Variants in PCDHA3 observed in about 807,000 individuals in gnomAD.
PCDHA3 encodes the protein protocadherin alpha-3.
In PCDHA3, 41 loss-of-function variants were observed where a neutral mutation model predicts 62.2. That is an observed-to-expected ratio of 0.66 (90% CI 0.51 to 0.86). PCDHA3 has a LOEUF of 0.86. Among genes scored for constraint, PCDHA3 ranks in the 40% least tolerant of loss-of-function variants. The pLI is 0.00. For synonymous variants in PCDHA3, 640 were observed against 555.4 expected (o/e 1.15, Z -2.14); for missense variants, 1,304 against 1,241.2 (o/e 1.05, Z -0.76).
In PCDHA3 at chr5:140,927,608, G is replaced by A. The variant is rs151084513; in HGVS notation, c.2395-51341G>A. ...CCTGTATTTGAGCGCTCCGTATACC[G>A]CACCAAGGTTCCAGAGACTGCACCC... On this transcript the variant is annotated intron_variant, in intron 1 of 3. Coordinates refer to ENST00000522353, the MANE Select transcript of PCDHA3 (RefSeq NM_018906.3). The A allele has an allele frequency of 2.2e-5, 35 of 1,614,050 alleles. No homozygotes were observed. In the African/African-American group the frequency reaches 4.4e-4, roughly 20 times the overall value.
intron 1 of PCDHA3, chr5:140,884,132 T>C: frequency 6.2e-7 from 1 of 1,613,400 alleles, no homozygotes; most frequent in South Asian, 1.1e-5. Context: ...GCGCATCCCG[T>C]TCCGCGTGGG....
At chr5:140,920,136 C>T (rs1554199437) in intron 1 of PCDHA3, among the ~76,000 whole-genome samples, 1 of 152,182 alleles carries the variant, frequency 6.6e-6, no homozygotes, top group African/African-American at 2.4e-5. Flanking sequence ...TTTAATTCTC[C>T]TCTCCAAACC....
intron 1 of PCDHA3, chr5:140,851,881 T>C: frequency 1.0e-6 from 1 of 977,870 alleles, no homozygotes; most frequent in Non-Finnish European, 1.2e-6. Context: ...GGCAGAAATC[T>C]GGATATGAGA....
chr5:140,873,889 G>T (rs1373623503), intron 1 of PCDHA3, among the ~76,000 whole-genome samples: 2 of 152,182 alleles, frequency 1.3e-5, no homozygotes, highest in South Asian at 4.1e-4. Context: ...TTGAACTCCT[G>T]ACCTCAGGTG....
rs116577362 is a variant in PCDHA3 at position 140,863,312 on chromosome 5, T to G, written c.2394+59721T>G. On this transcript the variant is annotated intron_variant, in intron 1 of 3. Transcript: ENST00000522353. ...TACCTGATCATCGCCATCTGCGTGGTGTCCAGCCTGTTAGTGCTCACGTTG... is the reference window on the plus strand; with the variant it reads ...TACCTGATCATCGCCATCTGCGTGGGGTCCAGCCTGTTAGTGCTCACGTTG... 14,488 of 1,456,150 alleles carry G rather than the reference T, an allele frequency of 9.9e-3. 118 individuals are homozygous for G. The highest frequency in any genetic ancestry group is 0.011 in the Non-Finnish European group (11,650 of 1,073,394). 90.2% of individuals were successfully genotyped at this position (1,456,150 alleles called of 1,614,324 possible). A position where few individuals can be genotyped will look rare whatever the true frequency, so the allele number is the denominator to read the frequency against.
At position 140,802,565 on chromosome 5, in the gene PCDHA3, G is replaced by C. The variant is rs782819489; in HGVS notation, c.1368G>C (p.Ser456=). 1.2e-6 allele frequency: 2 copies of C among 1,614,162 alleles called. No homozygotes were observed. Among genetic ancestry groups the C allele is most frequent in the Non-Finnish European group, 1.7e-6 (2 of 1,180,042 alleles). The change falls in exon 1 of 4, where the codon TCG becomes TCC. Residue 456 remains serine, a synonymous_variant. Transcript: ENST00000522353. ...ADVNDNAPAF[S]QSEYTVFVKE... ...TGAACGACAATGCGCCGGCATTCTC[G>C]CAGTCCGAGTACACGGTGTTCGTGA...
In PCDHA3 at chr5:140,941,764, A is replaced by G. The variant is rs116374830; in HGVS notation, c.2395-37185A>G. 5.7e-3 allele frequency among the ~76,000 whole-genome samples: 869 copies of G among 152,306 alleles called. 7 individuals are homozygous for G. Among genetic ancestry groups the G allele is most frequent in the African/African-American group, 0.018 (768 of 41,560 alleles). ...TTATCAGATTTTCAGTGCTTTTAAG[A>G]TAATTGTTTTAATGTTTTACCCAAG... On this transcript the variant is annotated intron_variant, in intron 1 of 3. Coordinates refer to ENST00000522353, the MANE Select transcript of PCDHA3 (RefSeq NM_018906.3).
At chr5:140,886,903 A>G (rs1432603652) in intron 1 of PCDHA3, among the ~76,000 whole-genome samples, 1 of 152,188 alleles carries the variant, frequency 6.6e-6, no homozygotes, top group East Asian at 1.9e-4. Context: ...CATTTAATAA[A>G]TACTTATTGA....
rs2082774108 is a variant in PCDHA3 at position 140,868,572 on chromosome 5, C to T, written c.2394+64981C>T. 4 of 152,854 alleles carry T rather than the reference C, an allele frequency of 2.6e-5. No individual in the cohort carries two copies. In the South Asian group the frequency reaches 6.2e-4, roughly 24 times the overall value. 9.5% of individuals were successfully genotyped at this position (152,854 alleles called of 1,614,324 possible). ...TAGTATTTTTATATGAGGAACAACA[C>T]TTTCAGGAAATGTTTAACCCTAGTT... On this transcript the variant is annotated intron_variant, in intron 1 of 3. Coordinates refer to ENST00000522353, the MANE Select transcript of PCDHA3 (RefSeq NM_018906.3).
chr5:140,992,070 GA>G (rs1554252639), intron 3 of PCDHA3, among the ~76,000 whole-genome samples: 1 of 151,052 alleles, frequency 6.6e-6, no homozygotes, highest in Non-Finnish European at 1.5e-5. Context: ...AATTTCAGTA[GA>G]GAATGAGCTA....
At chr5:140,861,615 C>G (rs2046996028) in intron 1 of PCDHA3, 1 of 348,276 alleles carries the variant, frequency 2.9e-6, no homozygotes, top group African/African-American at 2.1e-5. Context: ...TAAAGACAAC[C>G]TGCCAGTGTT....
At chr5:140,905,343 G>C (rs2071757275) in intron 1 of PCDHA3, among the ~76,000 whole-genome samples, 1 of 152,148 alleles carries the variant, frequency 6.6e-6, no homozygotes, top group Non-Finnish European at 1.5e-5. Context: ...TCAGTTGGCT[G>C]TAAGTATTTG....
Position 140,803,412 on chromosome 5 carries a change from C to A in PCDHA3, c.2215C>A (p.Leu739Met). The change falls in exon 1 of 4, where the codon CTG becomes ATG. Residue 739 changes from leucine (L) to methionine (M), a missense_variant. Physicochemically the swap from Leu to Met is conservative, Grantham distance 15. Coordinates refer to ENST00000522353, the MANE Select transcript of PCDHA3 (RefSeq NM_018906.3). ...EGDCGPGKPTLVCSSAVGSWS... is the reference protein window; with the variant it reads ...EGDCGPGKPTMVCSSAVGSWS... Reference sequence around the variant, plus strand: ...CGACTGTGGGCCGGGCAAGCCCACGCTGGTGTGCTCCAGCGCGGTGGGGAG... The same window carrying A: ...CGACTGTGGGCCGGGCAAGCCCACGATGGTGTGCTCCAGCGCGGTGGGGAG... 1.2e-6 allele frequency: 2 copies of A among 1,614,236 alleles called. No homozygotes were observed. Among genetic ancestry groups the A allele is most frequent in the East Asian group, 2.2e-5 (1 of 44,880 alleles).
chr5:140,934,490 C>T (rs189772593), intron 1 of PCDHA3, among the ~76,000 whole-genome samples: 35 of 152,244 alleles, frequency 2.3e-4, no homozygotes, highest in Admixed American at 1.4e-3. Context: ...ATATTCACCT[C>T]ATAAACACCC....
intron 1 of PCDHA3, among the ~76,000 whole-genome samples, chr5:140,912,539 T>C (rs2075967162): frequency 6.6e-6 from 1 of 152,172 alleles, no homozygotes; most frequent in Non-Finnish European, 1.5e-5. Flanking sequence ...CATGATCATA[T>C]TGTCAGCAAA....
chr5:140,834,395 G>C, intron 1 of PCDHA3: 1 of 1,598,712 alleles, frequency 6.3e-7, no homozygotes, highest in Non-Finnish European at 8.5e-7. Flanking sequence ...TGGTGTGCCC[G>C]AATGGATACG....
intron 1 of PCDHA3, among the ~76,000 whole-genome samples, chr5:140,910,560 G>A (rs1369178001): frequency 6.6e-6 from 1 of 152,160 alleles, no homozygotes; most frequent in East Asian, 1.9e-4. Flanking sequence ...ATTAGTCAAG[G>A]ATATATTTTC....
Position 141,010,550 on chromosome 5 carries a change from ACC to A in PCDHA3, c.*617_*618del. 3.2e-6 allele frequency: 1 copy of A among 316,712 alleles called. No individual in the cohort carries two copies. The highest frequency in any genetic ancestry group is 5.8e-6 in the Non-Finnish European group (1 of 172,196). The allele number at this position is 316,712 out of a possible 1,614,324, so 19.6% of individuals were successfully genotyped here. ...CAGCCACCCTCTAGGAGACAAAACT[ACC>A]CCCACTGACAAGGCTTTAGGAGACC... On this transcript the variant is annotated 3_prime_UTR_variant, in exon 4 of 4. Transcript: ENST00000522353.
At chr5:140,929,721 ATTTACT>A (rs1474734727) in intron 1 of PCDHA3, 3 of 222,378 alleles carry the variant, frequency 1.3e-5, no homozygotes, top group African/African-American at 4.6e-5. Flanking sequence ...AAGGTGAAAC[ATTTACT>A]TAAACTATTG....
Sources: gnomAD v4.1 joint callset for allele counts (sites outside exome capture counted in the v4.1 genomes callset) on GRCh38, gnomAD v4.1.1 for gene constraint, MANE v1.5 for transcripts, NCBI Gene and HGNC (gene_info 2026-07-23, HGNC 2026-07-21) for gene names.